VPS50: variants seen among roughly 807,000 people sequenced by gnomAD.
VPS50 encodes VPS50 subunit of EARP/GARPII complex, also known as syndetin.
Under a neutral mutation model 139.7 loss-of-function variants are expected in VPS50, and 70 were observed. The observed-to-expected ratio is 0.50, with a 90% CI of 0.41 to 0.61. VPS50 has a LOEUF of 0.61. Among genes scored for constraint, VPS50 ranks in the 20% least tolerant of loss-of-function variants. VPS50 has a pLI of 0.00. For missense variants in VPS50, 921 were observed against 1,133.7 expected (o/e 0.81, Z 2.69); for synonymous variants, 365 against 376.7 (o/e 0.97, Z 0.36).
intron 23 of VPS50, among the ~76,000 whole-genome samples, chr7:93,343,020 T>C (rs1490265100): frequency 2.6e-5 from 4 of 152,020 alleles, no homozygotes; most frequent in East Asian, 3.9e-4. Context: ...AGGCTTCAGA[T>C]GATCAAATTA....
chr7:93,311,988 ATATTCT>A (rs1797282539), intron 20 of VPS50, among the ~76,000 whole-genome samples: 1 of 152,142 alleles, frequency 6.6e-6, no homozygotes. Context: ...AAAAATCTCT[ATATTCT>A]ATCTATGGAG....
At chr7:93,251,471 A>G (rs1156552055) in intron 2 of VPS50, among the ~76,000 whole-genome samples, 3 of 151,146 alleles carry the variant, frequency 2.0e-5, no homozygotes, top group African/African-American at 4.9e-5. Context: ...TGGGAGTTGA[A>G]CAATGAGAAC....
At chr7:93,247,084 G>A (rs1795178329) in intron 2 of VPS50, among the ~76,000 whole-genome samples, 1 of 151,748 alleles carries the variant, frequency 6.6e-6, no homozygotes, top group Admixed American at 6.6e-5. Context: ...CTTTATCTCA[G>A]ACATGATCAA....
rs189854624 is a variant in VPS50, at chr7:93,330,192, T to C, written c.1978-3925T>C. Among the ~76,000 whole-genome samples, 88 of 152,264 alleles carry C rather than the reference T, an allele frequency of 5.8e-4. 1 individual carries two copies. In the East Asian group the frequency reaches 0.016, roughly 28 times the overall value. ...TATATTAGTAAAGCAGTGATGAGTA[T>C]TGTAATCCATAGGACAACCATGAAA... On this transcript the variant is annotated intron_variant, in intron 21 of 27. Coordinates refer to ENST00000305866, the MANE Select transcript of VPS50 (RefSeq NM_017667.4).
At chr7:93,302,502 A>G (rs138724895) in intron 16 of VPS50, among the ~76,000 whole-genome samples, 58 of 151,910 alleles carry the variant, frequency 3.8e-4, no homozygotes, top group Non-Finnish European at 5.0e-4. Context: ...TCAAATGTCT[A>G]TTTGATTCTT....
At chr7:93,293,945 A>C (rs999888265) in intron 13 of VPS50, among the ~76,000 whole-genome samples, 10 of 152,184 alleles carry the variant, frequency 6.6e-5, no homozygotes, top group African/African-American at 2.4e-4. Context: ...TGTTCTTCAC[A>C]GGATATTCAC....
chr7:93,272,160 A>G (rs930854542), intron 10 of VPS50, among the ~76,000 whole-genome samples: 1 of 151,858 alleles, frequency 6.6e-6, no homozygotes, highest in African/African-American at 2.4e-5. Flanking sequence ...TCCATAAAGC[A>G]TGGTAATTTA....
At chr7:93,272,078 C>T (rs1333257420) in intron 10 of VPS50, among the ~76,000 whole-genome samples, 2 of 151,654 alleles carry the variant, frequency 1.3e-5, no homozygotes, top group Non-Finnish European at 3.0e-5. Flanking sequence ...AGGATTTCTT[C>T]ACTTTTAATA....
intron 12 of VPS50, among the ~76,000 whole-genome samples, chr7:93,289,187 ATTGAGATTGGTGAGAATCT>A (rs1407190006): frequency 2.0e-5 from 3 of 152,058 alleles, no homozygotes; most frequent in Non-Finnish European, 2.9e-5. Flanking sequence ...CAACTTTAAG[ATTGAGATTGGTGAGAATCT>A]TTGAGATTGG....
Position 93,305,858 on chromosome 7 carries a change from C to T in VPS50, c.1483C>T (p.Pro495Ser), listed in dbSNP as rs773712115. 1.2e-6 allele frequency: 2 copies of T among 1,612,540 alleles called. No individual in the cohort carries two copies. The highest frequency in any genetic ancestry group is 1.7e-5 in the Admixed American group (1 of 59,932). ...TAAATTCATGGAACAGTCTCGCTCC[C>T]CATCAGTTTCACCTAGTAAACAGCC... ...EFKFMEQSRS[P>S]SVSPSKQPVS... Residue 495 changes from proline (P) to serine (S), a missense_variant, in exon 18 of 28, where the codon CCA (proline) becomes TCA (serine). By Grantham distance (74) the Pro-to-Ser change is moderately conservative. This residue lies in a region of VPS50 where 744 missense variants were observed against 930.6 expected (regional missense o/e 0.80). Transcript: ENST00000305866.
At chr7:93,291,617 G>A (rs1796651096) in intron 12 of VPS50, 86 bp from the exon 13 acceptor site, 1 of 698,278 alleles carries the variant, frequency 1.4e-6, no homozygotes, top group Non-Finnish European at 2.1e-6. Context: ...TCTAATTTTT[G>A]AATATATTTG....
At chr7:93,266,880 G>T (rs1795859379) in intron 9 of VPS50, among the ~76,000 whole-genome samples, 1 of 152,126 alleles carries the variant, frequency 6.6e-6, no homozygotes, top group Non-Finnish European at 1.5e-5. Flanking sequence ...GTAAATTGTT[G>T]TCAAATTGCA....
At chr7:93,239,761 A>C (rs1011583647) in intron 1 of VPS50, 105 bp from the exon 2 acceptor site, 3 of 637,340 alleles carry the variant, frequency 4.7e-6, no homozygotes, top group Non-Finnish European at 5.6e-6. Context: ...GAAGCAGGAA[A>C]ATTTCTATTT....
chr7:93,291,543 T>A (rs1039702599), intron 12 of VPS50, among the ~76,000 whole-genome samples, 160 bp from the exon 13 acceptor site: 14 of 151,996 alleles, frequency 9.2e-5, no homozygotes, highest in African/African-American at 1.4e-4. Flanking sequence ...TATTTAAAAA[T>A]TTTTTTTCTC....
intron 22 of VPS50, among the ~76,000 whole-genome samples, chr7:93,340,246 C>T (rs777020234): frequency 1.3e-5 from 2 of 152,180 alleles, no homozygotes; most frequent in Admixed American, 6.5e-5. Flanking sequence ...TCTAAACAGC[C>T]TTCTTTCATG....
chr7:93,257,521 A>G, intron 6 of VPS50, 57 bp downstream of exon 6: 1 of 931,058 alleles, frequency 1.1e-6, no homozygotes, highest in East Asian at 2.5e-5. Context: ...AAGAATAACT[A>G]TGGAATCTAT....
At chr7:93,274,332 ACT>A (rs1251022665) in intron 11 of VPS50, among the ~76,000 whole-genome samples, 1 of 151,880 alleles carries the variant, frequency 6.6e-6, no homozygotes, top group Non-Finnish European at 1.5e-5. Flanking sequence ...AGACAGGTTG[ACT>A]CTCTTATTAG....
rs543088526 is a variant in VPS50 at position 93,312,625 on chromosome 7, TTTCTTCTATTTCTTCTA to T, written c.1855+1372_1855+1388del. ...CAAGAAGAATAAGTTCGTGCATTTT[TTTCTTCTATTTCTTCTA>T]TTCTTCTATTTCTTCTATCTTCTAT... On this transcript the variant is annotated intron_variant, in intron 20 of 27. Coordinates refer to ENST00000305866, the MANE Select transcript of VPS50 (RefSeq NM_017667.4). Among the ~76,000 whole-genome samples, 82 of 152,232 alleles carry T rather than the reference TTTCTTCTATTTCTTCTA, an allele frequency of 5.4e-4. 1 individual carries two copies. In the South Asian group the frequency reaches 0.012, roughly 22 times the overall value.
chr7:93,284,400 GCTGT>G (rs1425322602), intron 12 of VPS50, among the ~76,000 whole-genome samples: 2 of 152,102 alleles, frequency 1.3e-5, no homozygotes, highest in East Asian at 3.8e-4. Context: ...CTAATATTGA[GCTGT>G]CTATTTGATT....
Sources: allele counts gnomAD v4.1 joint callset (sites outside exome capture counted in the v4.1 genomes callset), GRCh38; gene constraint gnomAD v4.1.1; regional missense constraint gnomAD v4.1.1; transcripts MANE v1.5; gene names NCBI Gene and HGNC (gene_info 2026-07-23, HGNC 2026-07-21).